NFIB: variants seen among roughly 807,000 people sequenced by gnomAD.
The protein encoded by NFIB is nuclear factor I B, also known as nuclear factor 1 B-type.
In NFIB, 11 loss-of-function variants were observed where a neutral mutation model predicts 61.5. That is an observed-to-expected ratio of 0.18 (90% CI 0.11 to 0.30). NFIB has a LOEUF of 0.30. Ranked by LOEUF, NFIB falls within the 10% of genes least tolerant of loss-of-function variation. NFIB has a pLI of 1.00. For synonymous variants in NFIB, 260 were observed against 216.5 expected, an observed-to-expected ratio of 1.20 and a Z score of -1.76; for missense variants, 471 against 608.9, an observed-to-expected ratio of 0.77 and a Z score of 2.38.
At chr9:14,136,496 C>T (rs3780582) in intron 6 of NFIB, among the ~76,000 whole-genome samples, 32,228 of 152,054 alleles carry the variant, frequency 0.21, 3,590 homozygotes, top group East Asian at 0.32. Context: ...ACTGGAAGGG[C>T]TCTAATTTAA....
At position 14,179,548 on chromosome 9, in the gene NFIB, C is replaced by T. The variant is rs531473881; in HGVS notation, c.616+179G>A. 2.0e-3 allele frequency among the ~76,000 whole-genome samples: 297 copies of T among 152,246 alleles called. 1 individual carries two copies. Among genetic ancestry groups the T allele is most frequent in the Non-Finnish European group, 3.1e-3 (214 of 68,020 alleles). ...TTGGTGATTAGGTAAATACTGATGA[C>T]GCCAATATAAAAGTATTTGCCACTG... On this transcript the variant is annotated intron_variant, in intron 3 of 10. Coordinates refer to ENST00000380953, the MANE Select transcript of NFIB (RefSeq NM_001190737.2).
the NFIB span, among the ~76,000 whole-genome samples, chr9:14,492,369 A>AATAC: frequency 1.3e-5 from 2 of 151,192 alleles, no homozygotes; most frequent in Non-Finnish European, 2.9e-5. Flanking sequence ...CCTCAAAATA[A>AATAC]ATAAATAAAT....
At chr9:14,317,637 T>C (rs930210498), upstream of NFIB, among the ~76,000 whole-genome samples, 3 of 152,234 alleles carry the variant, frequency 2.0e-5, no homozygotes, top group African/African-American at 7.2e-5. Flanking sequence ...GACTGTCTTC[T>C]CAGGCCTTGC....
At chr9:14,195,837 C>G (rs955356126) in intron 2 of NFIB, among the ~76,000 whole-genome samples, 2 of 151,756 alleles carry the variant, frequency 1.3e-5, no homozygotes, top group African/African-American at 4.8e-5. Context: ...ACAAAGGAAT[C>G]TAGTAAGGGC....
chr9:14,341,250 T>C (rs1289544174), intron 1 of NFIB, among the ~76,000 whole-genome samples: 2 of 152,168 alleles, frequency 1.3e-5, no homozygotes, highest in Non-Finnish European at 2.9e-5. Flanking sequence ...CTGGGGAATT[T>C]AGAGTACCCG....
the NFIB span, among the ~76,000 whole-genome samples, chr9:14,522,724 C>A: frequency 6.6e-6 from 1 of 152,166 alleles, no homozygotes; most frequent in Non-Finnish European, 1.5e-5. Flanking sequence ...CTTTATTGTT[C>A]AAAGTCCAAA....
At chr9:14,491,564 C>A in the NFIB span, among the ~76,000 whole-genome samples, 1 of 152,208 alleles carries the variant, frequency 6.6e-6, no homozygotes, top group African/African-American at 2.4e-5. Context: ...AGGTGGGAGT[C>A]CTCTCAAAAT....
intron 10 of NFIB, among the ~76,000 whole-genome samples, chr9:14,089,417 T>C (rs1024834450): frequency 6.7e-6 from 1 of 150,300 alleles, no homozygotes; most frequent in Non-Finnish European, 1.5e-5. Flanking sequence ...ACTAGCATAA[T>C]CTCCCTTTAA....
the NFIB span, among the ~76,000 whole-genome samples, chr9:14,507,741 G>C: frequency 1.3e-5 from 2 of 152,130 alleles, no homozygotes; most frequent in Non-Finnish European, 2.9e-5. Context: ...GAAGAAAGAG[G>C]TTGGAATGCT....
chr9:14,110,646 G>A (rs1325032333), intron 10 of NFIB, among the ~76,000 whole-genome samples: 2 of 152,008 alleles, frequency 1.3e-5, no homozygotes, highest in Admixed American at 1.3e-4. Context: ...CATTTCTACT[G>A]AAGGAAAGAA....
rs78624416 is a variant in NFIB at position 14,172,288 on chromosome 9, T to C, written c.616+7439A>G. Among the ~76,000 whole-genome samples, 725 of 152,224 alleles carry C rather than the reference T, an allele frequency of 4.8e-3. 1 individual carries two copies. The highest frequency in any genetic ancestry group is 8.4e-3 in the Non-Finnish European group (571 of 68,004). On this transcript the variant is annotated intron_variant, in intron 3 of 10. Coordinates refer to ENST00000380953, the MANE Select transcript of NFIB (RefSeq NM_001190737.2). The stretch of plus-strand genomic sequence containing the variant: ...GTTTGTCCAAATGAGGAACAAAAGA[T>C]GTATGTTTTAAAATAAGAAATAAGT...
In NFIB at chr9:14,348,369, A is replaced by G. The variant is rs571391998; in HGVS notation, c.109-40849T>C. Reference sequence around the variant, plus strand: ...AAAAAAAGACCCCAAATTGGCTGTGAGTTTACAGCCTGAAGCAGCTTATTT... The same window carrying G: ...AAAAAAAGACCCCAAATTGGCTGTGGGTTTACAGCCTGAAGCAGCTTATTT... On this transcript the variant is annotated intron_variant, in intron 1 of 8. Transcript: ENST00000380934. 6.7e-5 allele frequency among the ~76,000 whole-genome samples: 10 copies of G among 149,584 alleles called. No homozygotes were observed. In the South Asian group the frequency reaches 2.1e-3, roughly 32 times the overall value.
chr9:14,279,239 T>C (rs554460719), intron 2 of NFIB, among the ~76,000 whole-genome samples: 2 of 152,230 alleles, frequency 1.3e-5, no homozygotes, highest in East Asian at 3.9e-4. Flanking sequence ...AGCCCCGTCT[T>C]CCCATCATAT....
intron 1 of NFIB, among the ~76,000 whole-genome samples, chr9:14,347,861 G>A (rs1312527004): frequency 6.6e-6 from 1 of 152,172 alleles, no homozygotes; most frequent in African/African-American, 2.4e-5. Flanking sequence ...GAGGGTCCCA[G>A]TATCCCGCCG....
At chr9:14,275,602 T>G (rs930088739) in intron 2 of NFIB, among the ~76,000 whole-genome samples, 3 of 152,144 alleles carry the variant, frequency 2.0e-5, no homozygotes, top group Admixed American at 2.0e-4. Flanking sequence ...ACCCAGGGGC[T>G]TATATCCTTG....
At chr9:14,445,679 T>A in the NFIB span, among the ~76,000 whole-genome samples, 59,365 of 152,006 alleles carry the variant, frequency 0.39, 13,609 homozygotes, top group African/African-American at 0.63. Context: ...TTAGTCTAAT[T>A]TGGTCATTAT....
chr9:14,522,773 C>T, the NFIB span, among the ~76,000 whole-genome samples: 2 of 152,152 alleles, frequency 1.3e-5, no homozygotes, highest in African/African-American at 4.8e-5. Context: ...GCATAATTTT[C>T]ATCAGATTAG....
the NFIB span, among the ~76,000 whole-genome samples, chr9:14,448,759 G>T: frequency 6.6e-6 from 1 of 152,256 alleles, no homozygotes; most frequent in Non-Finnish European, 1.5e-5. Flanking sequence ...CAAGCAAGGT[G>T]GGTAAAGAAC....
Position 14,307,579 on chromosome 9 carries a change from C to T in NFIB, c.31-59G>A. ...CATAGTCAGTTTAATTTTAAAAGCT[C>T]AAAAAATAAGAAAAGAAGACCACAA... On this transcript the variant is annotated intron_variant, in intron 1 of 10. Transcript: ENST00000380953. This position sits in a 1 kb window ranked among gnomAD's most constrained non-coding sequence, Gnocchi z 5.3. 6 of 1,460,394 alleles carry T rather than the reference C, an allele frequency of 4.1e-6. No individual in the cohort carries two copies. Among genetic ancestry groups the T allele is most frequent in the Non-Finnish European group, 5.4e-6 (6 of 1,101,682 alleles). The allele number at this position is 1,460,394 out of a possible 1,614,324, so 90.5% of individuals were successfully genotyped here.
Sources: gnomAD v4.1 joint callset for allele counts (sites outside exome capture counted in the v4.1 genomes callset) on GRCh38, gnomAD v4.1.1 for gene constraint, Gnocchi (gnomAD v3.1) non-coding constraint, MANE v1.5 for transcripts, NCBI Gene and HGNC (gene_info 2026-07-23, HGNC 2026-07-21) for gene names.